Variants in RUFY1 observed in about 807,000 individuals in gnomAD.
RUFY1 encodes the protein RUN and FYVE domain containing 1.
In RUFY1, 54 loss-of-function variants were observed where a neutral mutation model predicts 94.6. That is an observed-to-expected ratio of 0.57 (90% CI 0.46 to 0.72). RUFY1 has a LOEUF of 0.72. RUFY1 is among the 30% of genes least tolerant of loss of function. The probability of loss-of-function intolerance (pLI) is 0.00; values close to 1 mark genes in which losing one functional copy is unlikely to be tolerated. For synonymous variants in RUFY1, 396 were observed against 347.3 expected (o/e 1.14, Z -1.56); for missense variants, 883 against 883.9 (o/e 1.00, Z 0.01).
At chr5:179,563,779 C>T (rs1468345493) in intron 3 of RUFY1, among the ~76,000 whole-genome samples, 2 of 152,014 alleles carry the variant, frequency 1.3e-5, no homozygotes, top group Non-Finnish European at 2.9e-5. Context: ...TCAAGCGATT[C>T]TCATGCCTCA....
Position 179,550,579 on chromosome 5 carries a change from C to T in RUFY1, c.10C>T (p.Arg4Trp), listed in dbSNP as rs750910790. Residue 4 changes from arginine to tryptophan, a missense_variant, in exon 1 of 18, where the codon CGG becomes TGG. Transcript: ENST00000319449. ...ACATGACACGGCCAAGATGGCCGAC[C>T]GGGAAGGCGGCTGCGCTGCTGGGCG... MAD[R>W]EGGCAAGRGR... 9 of 1,187,470 alleles carry T rather than the reference C, an allele frequency of 7.6e-6. No homozygotes were observed. In the African/African-American group the frequency reaches 1.0e-4, roughly 14 times the overall value. 73.6% of individuals were successfully genotyped at this position (1,187,470 alleles called of 1,614,324 possible). A position where few individuals can be genotyped will look rare whatever the true frequency, so the allele number is the denominator to read the frequency against.
chr5:179,551,925 G>A (rs1761875401), intron 1 of RUFY1, among the ~76,000 whole-genome samples: 2 of 151,592 alleles, frequency 1.3e-5, no homozygotes, highest in South Asian at 2.1e-4. Flanking sequence ...CAGCACTTTG[G>A]GAGGCCGAAG....
chr5:179,571,031 CTA>C lies in RUFY1; in HGVS notation c.828+1608_828+1609del, dbSNP rs542047247. ...GGGTTTCTTTTTTTATGAAACCAAACTATGATTATTTTAAGCACACCATTTTG... is the reference window on the plus strand; with the variant it reads ...GGGTTTCTTTTTTTATGAAACCAAACTGATTATTTTAAGCACACCATTTTG... On this transcript the variant is annotated intron_variant, in intron 5 of 17. Transcript: ENST00000319449. Among the ~76,000 whole-genome samples, 15 of 152,228 alleles carry C rather than the reference CTA, an allele frequency of 9.9e-5. 1 individual carries two copies. The South Asian group carries it at 3.1e-3, about 32-fold the overall frequency.
chr5:179,609,626 A>T lies in RUFY1; in HGVS notation c.*107A>T. The T allele has an allele frequency of 1.7e-6, 2 of 1,201,744 alleles. No homozygotes were observed. Among genetic ancestry groups the T allele is most frequent in the South Asian group, 3.3e-5 (2 of 60,284 alleles). 74.4% of individuals were successfully genotyped at this position (1,201,744 alleles called of 1,614,324 possible). On this transcript the variant is annotated 3_prime_UTR_variant, in exon 18 of 18. Transcript: ENST00000319449. ...CAAGAGTATCAAAGGAAAGAATCAA[A>T]TTTCTTGCCCGGTCACTGGCACTCC...
At chr5:179,591,208 G>A (rs1348092111) in intron 9 of RUFY1, among the ~76,000 whole-genome samples, 1 of 150,576 alleles carries the variant, frequency 6.6e-6, no homozygotes, top group Non-Finnish European at 1.5e-5. Flanking sequence ...GTGGGGGGAT[G>A]GAGTCTTGCC....
intron 14 of RUFY1, 48 bp from the exon 15 acceptor site, chr5:179,601,838 AAAAAAG>A: frequency 8.6e-7 from 1 of 1,156,322 alleles, no homozygotes; most frequent in Admixed American, 2.2e-5. Context: ...AAAAAAAAAA[AAAAAAG>A]GACCGTGTAA....
intron 1 of RUFY1, among the ~76,000 whole-genome samples, chr5:179,559,304 G>A (rs541604336): frequency 2.0e-5 from 3 of 152,350 alleles, no homozygotes; most frequent in East Asian, 3.9e-4. Flanking sequence ...AAGATAATGG[G>A]AGTTGAAATG....
In RUFY1 at chr5:179,594,175, G is replaced by A. The variant is rs139392097; in HGVS notation, c.1413+530G>A. Among the ~76,000 whole-genome samples the A allele has an allele frequency of 5.9e-3, 897 of 151,980 alleles. 9 individuals are homozygous for A. Among genetic ancestry groups the A allele is most frequent in the African/African-American group, 0.021 (872 of 41,468 alleles). ...AAATTAGCTGGGCATGGAGGTGCAC[G>A]CCTCTAATCCCAGATACTCAGAAGG... On this transcript the variant is annotated intron_variant, in intron 11 of 17. Transcript: ENST00000319449.
chr5:179,562,107 A>G (rs1263444958), intron 2 of RUFY1, among the ~76,000 whole-genome samples: 1 of 151,978 alleles, frequency 6.6e-6, no homozygotes, highest in Non-Finnish European at 1.5e-5. Context: ...CCAGTCCCCA[A>G]GAGTAAATCA....
intron 7 of RUFY1, among the ~76,000 whole-genome samples, chr5:179,584,652 A>C (rs185534252): frequency 6.6e-6 from 1 of 152,064 alleles, no homozygotes; most frequent in Admixed American, 6.6e-5. Context: ...GCCTGGTGGC[A>C]AGGTGGGAGG....
Position 179,594,973 on chromosome 5 carries a change from TC to T in RUFY1, c.1511+15del, listed in dbSNP as rs1272180685. The T allele has an allele frequency of 6.4e-7, 1 of 1,571,108 alleles. No individual in the cohort carries two copies. Among genetic ancestry groups the T allele is most frequent in the Non-Finnish European group, 8.8e-7 (1 of 1,141,932 alleles). ...AACAAATGGAAGAAAGGTAATCACT[TC>T]CCCCTGGCAGATATTCTCGGGAAGG... is the stretch of plus-strand genomic sequence containing the variant. On this transcript the variant is annotated intron_variant, in intron 12 of 17. Coordinates refer to ENST00000319449, the MANE Select transcript of RUFY1 (RefSeq NM_025158.5).
intron 1 of RUFY1, among the ~76,000 whole-genome samples, chr5:179,553,357 TG>T (rs1456158253): frequency 6.6e-6 from 1 of 152,250 alleles, no homozygotes; most frequent in Non-Finnish European, 1.5e-5. Flanking sequence ...CCGGGAATTT[TG>T]CACTGGGCCT....
rs930247553 is a variant in RUFY1 at position 179,567,314 on chromosome 5, C to T, written c.603-147C>T. ...CGCTGCCTGCCCAGGCCATGTGCAT[C>T]CCTCCCCAACCCCAAACAGCCATTC... On this transcript the variant is annotated intron_variant, in intron 3 of 17. Coordinates refer to ENST00000319449, the MANE Select transcript of RUFY1 (RefSeq NM_025158.5). 5 of 633,526 alleles carry T rather than the reference C, an allele frequency of 7.9e-6. No individual in the cohort carries two copies. The East Asian group carries it at 1.4e-4, about 18-fold the overall frequency. 39.2% of individuals were successfully genotyped at this position (633,526 alleles called of 1,614,324 possible).
intron 6 of RUFY1, among the ~76,000 whole-genome samples, chr5:179,577,972 T>G (rs976909972): frequency 1.1e-4 from 17 of 152,274 alleles, no homozygotes; most frequent in Admixed American, 9.2e-4. Flanking sequence ...TTATTCTCAT[T>G]GTTTAAGGAA....
At chr5:179,594,597 T>C (rs1306819737) in intron 11 of RUFY1, among the ~76,000 whole-genome samples, 2 of 146,144 alleles carry the variant, frequency 1.4e-5, no homozygotes, top group East Asian at 2.1e-4. Flanking sequence ...CCGTCTCTAC[T>C]AAAAATACAA....
chr5:179,567,356 A>C (rs550728920), intron 3 of RUFY1, 105 bp from the exon 4 acceptor site: 13 of 815,468 alleles, frequency 1.6e-5, no homozygotes, highest in Non-Finnish European at 2.5e-5. Flanking sequence ...TATCGTCTGC[A>C]TTTACAAGGG....
chr5:179,597,479 T>G (rs920445606), intron 13 of RUFY1, among the ~76,000 whole-genome samples: 1 of 152,034 alleles, frequency 6.6e-6, no homozygotes, highest in Non-Finnish European at 1.5e-5. Flanking sequence ...CTCGTGATCC[T>G]CCCATCTCGG....
Position 179,585,874 on chromosome 5 carries a change from G to A in RUFY1, c.1026+9G>A, listed in dbSNP as rs73809478. On this transcript the variant is annotated intron_variant, in intron 8 of 17. Coordinates refer to ENST00000319449, the MANE Select transcript of RUFY1 (RefSeq NM_025158.5). ...CAAAGCTTCAAGAAGAGGTTTGTAA[G>A]TTTTATTGAAATTTTTAGACAAAAC... 2.0e-3 allele frequency: 3,212 copies of A among 1,609,192 alleles called. 45 individuals are homozygous for A. In the African/African-American group the frequency reaches 0.03, roughly 15 times the overall value.
chr5:179,576,071 G>A (rs1207031008), intron 5 of RUFY1, among the ~76,000 whole-genome samples: 3 of 151,892 alleles, frequency 2.0e-5, no homozygotes, highest in Admixed American at 6.6e-5. Context: ...ATGAGCCACC[G>A]TGCCCAGCTT....
Sources: allele counts gnomAD v4.1 joint callset (sites outside exome capture counted in the v4.1 genomes callset), GRCh38; gene constraint gnomAD v4.1.1; transcripts MANE v1.5; gene names NCBI Gene and HGNC (gene_info 2026-07-23, HGNC 2026-07-21).